Variants in FSTL5 observed in about 807,000 individuals in gnomAD.
The protein encoded by FSTL5 is follistatin like 5.
A neutral mutation model predicts 89.1 loss-of-function variants in FSTL5; 62 were observed. That is an observed-to-expected ratio of 0.70 (90% CI 0.57 to 0.86). The LOEUF is 0.86. FSTL5 is among the 40% of genes least tolerant of loss of function. The pLI is 0.00. For missense variants in FSTL5, 1,057 were observed against 1,001.6 expected, an observed-to-expected ratio of 1.06 and a Z score of -0.75; for synonymous variants, 383 against 346.2, an observed-to-expected ratio of 1.11 and a Z score of -1.18.
chr4:161,502,281 A>G, intron 11 of FSTL5, among the ~76,000 whole-genome samples: 1 of 151,870 alleles, frequency 6.6e-6, no homozygotes, highest in Non-Finnish European at 1.5e-5. Context: ...GGAATTTGTG[A>G]GCTATATTTT....
intron 2 of FSTL5, among the ~76,000 whole-genome samples, chr4:162,089,714 T>C (rs1579018493): frequency 6.8e-6 from 1 of 148,078 alleles, no homozygotes; most frequent in Non-Finnish European, 1.5e-5. Context: ...TACTTAAAAA[T>C]CAAGTTAAAC....
chr4:161,913,818 G>A (rs185607592), intron 4 of FSTL5, among the ~76,000 whole-genome samples: 1 of 152,244 alleles, frequency 6.6e-6, no homozygotes, highest in Admixed American at 6.5e-5. Context: ...TCTCTCACTT[G>A]GAATGGCTGT....
intron 6 of FSTL5, among the ~76,000 whole-genome samples, chr4:161,657,744 C>T (rs35912358): frequency 0.15 from 22,888 of 152,022 alleles, 2,203 homozygotes; most frequent in Non-Finnish European, 0.22. Context: ...CCAAACATGG[C>T]GTATGTGTTT....
intron 4 of FSTL5, among the ~76,000 whole-genome samples, chr4:161,847,428 A>C (rs752044892): frequency 4.6e-5 from 7 of 152,152 alleles, no homozygotes; most frequent in African/African-American, 1.4e-4. Context: ...TTGGTTAAGT[A>C]ATTTGCTCAA....
At chr4:161,396,383 T>A (rs1441718706) in intron 15 of FSTL5, among the ~76,000 whole-genome samples, 2 of 151,690 alleles carry the variant, frequency 1.3e-5, no homozygotes, top group Non-Finnish European at 2.9e-5. Flanking sequence ...GGCTCATGCC[T>A]GTAATCCCAG....
chr4:161,855,468 A>C (rs1016368450), intron 4 of FSTL5, among the ~76,000 whole-genome samples: 1 of 152,072 alleles, frequency 6.6e-6, no homozygotes, highest in African/African-American at 2.4e-5. Flanking sequence ...TTTGTTATAG[A>C]ATTTATTATT....
intron 2 of FSTL5, among the ~76,000 whole-genome samples, chr4:162,103,917 C>T (rs373839634): frequency 8.5e-5 from 13 of 152,208 alleles, no homozygotes; most frequent in African/African-American, 2.4e-4. Flanking sequence ...AGACAAGGAT[C>T]GGGATATAAA....
chr4:161,699,091 T>A (rs1738285602), intron 6 of FSTL5, among the ~76,000 whole-genome samples: 2 of 152,190 alleles, frequency 1.3e-5, no homozygotes, highest in Non-Finnish European at 2.9e-5. Context: ...GGCCTGCAAT[T>A]AGCTAGCTGG....
chr4:161,496,941 G>A (rs962912365), intron 12 of FSTL5, among the ~76,000 whole-genome samples: 6 of 152,018 alleles, frequency 3.9e-5, no homozygotes, highest in Non-Finnish European at 8.8e-5. Context: ...TGTTTTTCTG[G>A]ATAAATATTT....
At chr4:161,556,594 C>T (rs918496549) in intron 8 of FSTL5, among the ~76,000 whole-genome samples, 3 of 151,380 alleles carry the variant, frequency 2.0e-5, no homozygotes, top group East Asian at 2.0e-4. Context: ...TAAGACAACA[C>T]TTTAAAATAT....
chr4:162,042,801 A>G (rs1334990475), intron 2 of FSTL5, among the ~76,000 whole-genome samples: 2 of 152,016 alleles, frequency 1.3e-5, no homozygotes, highest in East Asian at 3.9e-4. Context: ...TTGTAAGGAC[A>G]TGGATGAAAC....
At chr4:161,562,285 C>T (rs959961503) in intron 8 of FSTL5, among the ~76,000 whole-genome samples, 1 of 151,966 alleles carries the variant, frequency 6.6e-6, no homozygotes, top group Non-Finnish European at 1.5e-5. Flanking sequence ...GTTTGTTCTT[C>T]ACACGCAGGA....
intron 15 of FSTL5, among the ~76,000 whole-genome samples, chr4:161,389,858 T>A (rs1730762947): frequency 6.6e-6 from 1 of 152,162 alleles, no homozygotes; most frequent in Non-Finnish European, 1.5e-5. Context: ...GGACAACAGA[T>A]TATTATAACC....
At chr4:161,885,526 G>T (rs1255529581) in intron 4 of FSTL5, among the ~76,000 whole-genome samples, 5 of 152,092 alleles carry the variant, frequency 3.3e-5, no homozygotes. Flanking sequence ...GCTCACTTCA[G>T]CCTCAACCTC....
intron 4 of FSTL5, among the ~76,000 whole-genome samples, chr4:161,850,057 G>C (rs1368130891): frequency 6.6e-6 from 1 of 152,078 alleles, no homozygotes; most frequent in Non-Finnish European, 1.5e-5. Context: ...ATGAAAGATG[G>C]TACAGTATTT....
At chr4:161,515,147 TA>T (rs201993254) in intron 10 of FSTL5, among the ~76,000 whole-genome samples, 1,901 of 152,100 alleles carry the variant, frequency 0.012, 36 homozygotes, top group African/African-American at 0.044. Flanking sequence ...TACATTAAAT[TA>T]AAAAAAACCT....
chr4:161,647,310 C>T (rs1286055393), intron 7 of FSTL5, among the ~76,000 whole-genome samples: 1 of 152,152 alleles, frequency 6.6e-6, no homozygotes, highest in Non-Finnish European at 1.5e-5. Flanking sequence ...AATTGAACAT[C>T]TATGCACAAA....
In FSTL5 at chr4:161,655,616, A is replaced by G. The variant is rs77510950; in HGVS notation, c.894+712T>C. On this transcript the variant is annotated intron_variant, in intron 7 of 15. Coordinates refer to ENST00000306100, the MANE Select transcript of FSTL5 (RefSeq NM_020116.5). ...ATATGCACATGTTAGAAATGCAAAA[A>G]GTAAAAAAGAATATCTATTAGAAGT... Among the ~76,000 whole-genome samples, 912 of 152,288 alleles carry G rather than the reference A, an allele frequency of 6.0e-3. 9 individuals are homozygous for G. The highest frequency in any genetic ancestry group is 0.045 in the South Asian group (219 of 4,824).
intron 13 of FSTL5, among the ~76,000 whole-genome samples, chr4:161,474,690 C>T (rs964097368): frequency 3.3e-5 from 5 of 151,764 alleles, no homozygotes; most frequent in African/African-American, 4.8e-5. Flanking sequence ...GGACTACAGG[C>T]ACCCGCCACC....
Sources: gnomAD v4.1 joint callset for allele counts (sites outside exome capture counted in the v4.1 genomes callset) on GRCh38, gnomAD v4.1.1 for gene constraint, MANE v1.5 for transcripts, NCBI Gene and HGNC (gene_info 2026-07-23, HGNC 2026-07-21) for gene names.